Variants in RUFY4 observed in about 807,000 individuals in gnomAD.
RUFY4 encodes RUN and FYVE domain-containing protein 4.
RUFY4 carries 73 observed loss-of-function variants against 69.0 expected under a neutral mutation model. The observed-to-expected ratio is 1.06, with a 90% CI of 0.88 to 1.29. The LOEUF (loss-of-function observed/expected upper bound fraction) is 1.29. RUFY4 is among the 50% of genes most tolerant of loss of function. The probability of loss-of-function intolerance (pLI) is 0.00; values close to 1 mark genes in which losing one functional copy is unlikely to be tolerated. For synonymous variants in RUFY4, 287 were observed against 271.8 expected (o/e 1.06, Z -0.55); for missense variants, 770 against 705.6 (o/e 1.09, Z -1.03).
intron 2 of RUFY4, among the ~76,000 whole-genome samples, chr2:218,071,273 G>A (rs1306513894): frequency 1.3e-5 from 2 of 151,974 alleles, no homozygotes; most frequent in Admixed American, 6.6e-5. Context: ...CCTCTGAGAC[G>A]CTTGATGTCC....
intron 2 of RUFY4, among the ~76,000 whole-genome samples, chr2:218,057,332 T>G (rs1265699054): frequency 6.6e-6 from 1 of 152,248 alleles, no homozygotes; most frequent in Admixed American, 6.5e-5. Flanking sequence ...CATCTCTAGA[T>G]TTTATGTGAC....
At chr2:218,074,943 TG>T in intron 6 of RUFY4, 149 bp from the exon 9 acceptor site, 2 of 847,954 alleles carry the variant, frequency 2.4e-6, no homozygotes, top group Non-Finnish European at 3.6e-6. Flanking sequence ...AAGTCAGATT[TG>T]GGGTTTGATA....
exon 10 of RUFY4, chr2:218,089,289 T>C (rs1689972421): frequency 6.2e-7 from 1 of 1,613,812 alleles, no homozygotes; most frequent in Non-Finnish European, 8.5e-7. Context: ...CCAGCATCTC[T>C]CTTCCATGGC....
At chr2:218,052,471 A>G (rs1226162781) in intron 2 of RUFY4, among the ~76,000 whole-genome samples, 1 of 152,180 alleles carries the variant, frequency 6.6e-6, no homozygotes, top group Admixed American at 6.5e-5. Context: ...TACCGTGTCT[A>G]ATTACCTTTG....
intron 3 of RUFY4, chr2:218,059,431 C>A (rs1689133480): frequency 6.0e-6 from 1 of 166,566 alleles, no homozygotes; most frequent in South Asian, 2.1e-4. Context: ...CCCATACTCC[C>A]CTCCCCTCAG....
intron 8 of RUFY4, among the ~76,000 whole-genome samples, chr2:218,082,463 C>A (rs537306841): frequency 6.6e-6 from 1 of 152,072 alleles, no homozygotes; most frequent in African/African-American, 2.4e-5. Context: ...AAAACAAAGC[C>A]GGGAGGAGGA....
At chr2:218,083,778 A>G (rs1689826043) in intron 9 of RUFY4, among the ~76,000 whole-genome samples, 1 of 151,796 alleles carries the variant, frequency 6.6e-6, no homozygotes, top group Admixed American at 6.6e-5. Flanking sequence ...GTCATCTAGG[A>G]CACATAGCAT....
chr2:218,089,282 G>C, exon 10 of RUFY4: 3 of 1,613,834 alleles, frequency 1.9e-6, no homozygotes, highest in Non-Finnish European at 2.5e-6. Context: ...AGAGGCTCCA[G>C]CATCTCTCTT....
chr2:218,037,766 G>T (rs868063670), intron 2 of RUFY4, among the ~76,000 whole-genome samples: 1 of 152,176 alleles, frequency 6.6e-6, no homozygotes, highest in African/African-American at 2.4e-5. Flanking sequence ...AAAGAGAACC[G>T]ATTCCTATAG....
At chr2:218,040,948 C>T (rs558242201) in intron 2 of RUFY4, among the ~76,000 whole-genome samples, 1 of 152,130 alleles carries the variant, frequency 6.6e-6, no homozygotes, top group Admixed American at 6.5e-5. Flanking sequence ...GATGTCCTTA[C>T]TAGATGCTGG....
intron 10 of RUFY4, chr2:218,089,588 G>T: frequency 1.5e-6 from 1 of 672,032 alleles, no homozygotes. Context: ...GAGTGGGATT[G>T]GGTCCCCCTC....
At chr2:218,065,076 G>C (rs186817739), upstream of RUFY4, among the ~76,000 whole-genome samples, 148 of 152,300 alleles carry the variant, frequency 9.7e-4, no homozygotes, top group African/African-American at 3.5e-3. Context: ...TCCAGCCTGG[G>C]AACGGGTGGA....
chr2:218,067,539 A>G (rs1249549345), upstream of RUFY4, among the ~76,000 whole-genome samples: 1 of 152,196 alleles, frequency 6.6e-6, no homozygotes, highest in East Asian at 1.9e-4. Flanking sequence ...GGGAGCCCCA[A>G]GCAGCAGCAA....
chr2:218,060,208 C>T (rs1184597751), intron 3 of RUFY4: 1 of 838,140 alleles, frequency 1.2e-6, no homozygotes, highest in East Asian at 2.6e-5. Flanking sequence ...ACGTGGCCTC[C>T]TCTGCTTCCT....
chr2:218,037,654 T>C (rs892477550), intron 2 of RUFY4, among the ~76,000 whole-genome samples: 15 of 152,234 alleles, frequency 9.9e-5, no homozygotes, highest in African/African-American at 3.6e-4. Context: ...ACTTCAGACT[T>C]CACCAGCAAT....
At chr2:218,072,419 T>C in exon 3 of RUFY4, 1 of 1,537,388 alleles carries the variant, frequency 6.5e-7, no homozygotes, top group Non-Finnish European at 8.7e-7. Context: ...TCGGAAGGAT[T>C]ACTGGGACTT....
chr2:218,080,645 T>C (rs183202680), intron 8 of RUFY4, among the ~76,000 whole-genome samples: 9 of 152,272 alleles, frequency 5.9e-5, no homozygotes, highest in African/African-American at 2.2e-4. Context: ...AGGACAAGCA[T>C]CAGCCAAAGA....
chr2:218,086,525 G>C (rs1689898002), intron 9 of RUFY4, among the ~76,000 whole-genome samples: 1 of 152,158 alleles, frequency 6.6e-6, no homozygotes, highest in South Asian at 2.1e-4. Flanking sequence ...TTCTTTTCAA[G>C]TTCTGAGAAA....
At chr2:218,055,667 A>AATTACTAAGCAGGG (rs1689045294) in intron 2 of RUFY4, among the ~76,000 whole-genome samples, 1 of 152,214 alleles carries the variant, frequency 6.6e-6, no homozygotes, top group Non-Finnish European at 1.5e-5. Flanking sequence ...ACTAAGCAGG[A>AATTACTAAGCAGGG]AATTACTCTT....
Sources: allele counts gnomAD v4.1 joint callset (sites outside exome capture counted in the v4.1 genomes callset), GRCh38; gene constraint gnomAD v4.1.1; transcripts MANE v1.5; gene names NCBI Gene and HGNC (gene_info 2026-07-23, HGNC 2026-07-21).